The following ARHGAP5 variants were observed in gnomAD, a reference collection of about 807,000 sequenced individuals.
ARHGAP5 encodes the protein Rho GTPase activating protein 5, also known as rho GTPase-activating protein 5.
In ARHGAP5, 23 loss-of-function variants were observed where a neutral mutation model predicts 116.6. That is an observed-to-expected ratio of 0.20 (90% CI 0.14 to 0.28). The LOEUF (loss-of-function observed/expected upper bound fraction) is 0.28. Ranked by LOEUF, ARHGAP5 falls within the 10% of genes least tolerant of loss-of-function variation. ARHGAP5 has a pLI of 1.00. For synonymous variants in ARHGAP5, 574 were observed against 602.0 expected (o/e 0.95, Z 0.68); for missense variants, 1,405 against 1,774.8 (o/e 0.79, Z 3.74).
Position 32,091,711 on chromosome 14 carries a change from A to T in ARHGAP5, c.1042A>T (p.Thr348Ser). The T allele has an allele frequency of 6.2e-7, 1 of 1,611,036 alleles. No individual in the cohort carries two copies. Among genetic ancestry groups the T allele is most frequent in the South Asian group, 1.1e-5 (1 of 90,356 alleles). Residue 348 changes from threonine to serine, a missense_variant, in exon 2 of 7, where the codon ACT becomes TCT. By Grantham distance (58) the Thr-to-Ser change is moderately conservative (BLOSUM62 1). This residue lies in a region of ARHGAP5 where 944 missense variants were observed against 1,095.3 expected (regional missense o/e 0.86). Transcript: ENST00000345122. ...YINTLPRAFN[T>S]LLPNLEEIEH... ...AAATACTTTACCAAGAGCTTTTAAC[A>T]CTCTTTTGCCAAATCTAGAAGAGAT...
chr14:32,137,111 T>C (rs1181580716), intron 3 of ARHGAP5, among the ~76,000 whole-genome samples: 1 of 151,786 alleles, frequency 6.6e-6, no homozygotes, highest in African/African-American at 2.4e-5. Context: ...GGATGTATAT[T>C]GTTGCTCATG....
intron 2 of ARHGAP5, among the ~76,000 whole-genome samples, chr14:32,112,038 C>T (rs1253587493): frequency 2.0e-5 from 3 of 151,878 alleles, no homozygotes; most frequent in African/African-American, 7.3e-5. Flanking sequence ...AGGATGGTCT[C>T]GATCTCCTGA....
At chr14:32,138,598 T>C (rs1193311881) in intron 3 of ARHGAP5, among the ~76,000 whole-genome samples, 1 of 152,200 alleles carries the variant, frequency 6.6e-6, no homozygotes, top group Non-Finnish European at 1.5e-5. Flanking sequence ...CTTACTAGTA[T>C]TTTTTGTGGA....
chr14:32,121,332 A>G (rs958244764), intron 3 of ARHGAP5, among the ~76,000 whole-genome samples: 23 of 152,122 alleles, frequency 1.5e-4, no homozygotes, highest in Non-Finnish European at 3.4e-4. Context: ...TGTTTGTGAT[A>G]TATCTTTTTC....
At chr14:32,138,665 T>C (rs1399333031) in intron 3 of ARHGAP5, among the ~76,000 whole-genome samples, 1 of 152,216 alleles carries the variant, frequency 6.6e-6, no homozygotes, top group Admixed American at 6.5e-5. Flanking sequence ...ATAATTTTAC[T>C]TCATTTTTTT....
At position 32,093,568 on chromosome 14, in the gene ARHGAP5, C is replaced by T. The variant is rs561317200; in HGVS notation, c.2899C>T (p.Pro967Ser). ...STHQSEDVFL[P>S]SPRDCFPYNN... ...CCATCAAAGTGAAGATGTTTTTCTACCATCTCCCAGAGACTGTTTTCCCTA... is the reference window on the plus strand; with the variant it reads ...CCATCAAAGTGAAGATGTTTTTCTATCATCTCCCAGAGACTGTTTTCCCTA... The change falls in exon 2 of 7, where the codon CCA becomes TCA. Residue 967 changes from proline to serine, a missense_variant. Physicochemically the swap from Pro to Ser is moderately conservative, Grantham distance 74 (BLOSUM62 -1). Transcript: ENST00000345122. 1.1e-5 allele frequency: 17 copies of T among 1,613,890 alleles called. No individual in the cohort carries two copies. The African/African-American group carries it at 2.1e-4, about 20-fold the overall frequency.
chr14:32,116,297 A>G (rs1322667827), intron 2 of ARHGAP5, among the ~76,000 whole-genome samples: 1 of 149,760 alleles, frequency 6.7e-6, no homozygotes, highest in East Asian at 2.0e-4. Flanking sequence ...TCAAAAAAAA[A>G]TAAATAAATA....
At chr14:32,081,290 A>T (rs1046562932) in intron 1 of ARHGAP5, among the ~76,000 whole-genome samples, 1 of 152,238 alleles carries the variant, frequency 6.6e-6, no homozygotes, top group Non-Finnish European at 1.5e-5. Flanking sequence ...GCTAAAGGAA[A>T]GTATTACTTG....
At chr14:32,118,204 C>T (rs1209969306) in intron 3 of ARHGAP5, among the ~76,000 whole-genome samples, 1 of 152,126 alleles carries the variant, frequency 6.6e-6, no homozygotes, top group African/African-American at 2.4e-5. Context: ...CACTTTCAGT[C>T]TTAATGAGAG....
At position 32,090,567 on chromosome 14, in the gene ARHGAP5, TAC is replaced by T; in HGVS notation, c.-101_-100del. 1 of 1,064,178 alleles carries T rather than the reference TAC, an allele frequency of 9.4e-7. No homozygotes were observed. The highest frequency in any genetic ancestry group is 1.6e-5 in the South Asian group (1 of 62,148). The allele number at this position is 1,064,178 out of a possible 1,614,324, so 65.9% of individuals were successfully genotyped here. On this transcript the variant is annotated 5_prime_UTR_variant, in exon 2 of 7. An upstream open reading frame in the 5' UTR loses its in-frame stop. Coordinates refer to ENST00000345122, the MANE Select transcript of ARHGAP5 (RefSeq NM_001030055.2). ...AATGAGGGAAATACAAAGAACCAAA[TAC>T]AGTTCTGAAATTTGGGATCTGTATT...
At chr14:32,141,036 T>C (rs1417901418) in intron 3 of ARHGAP5, among the ~76,000 whole-genome samples, 2 of 152,196 alleles carry the variant, frequency 1.3e-5, no homozygotes, top group African/African-American at 2.4e-5. Context: ...ACTGATGGAG[T>C]CTCCCTGTTA....
Position 32,136,085 on chromosome 14 carries a change from T to C in ARHGAP5, c.3866-10178T>C, listed in dbSNP as rs112566848. 6.1e-3 allele frequency among the ~76,000 whole-genome samples: 922 copies of C among 152,350 alleles called. 7 individuals are homozygous for C. Among genetic ancestry groups the C allele is most frequent in the African/African-American group, 0.02 (839 of 41,588 alleles). On this transcript the variant is annotated intron_variant, in intron 3 of 6. Coordinates refer to ENST00000345122, the MANE Select transcript of ARHGAP5 (RefSeq NM_001030055.2). ...TAAGTTTATATACTACTACTAGTTC[T>C]TGTTTTGTTTTTTTCTTCCCAGCAT... is the stretch of plus-strand genomic sequence containing the variant.
intron 3 of ARHGAP5, among the ~76,000 whole-genome samples, chr14:32,119,625 T>C (rs1307186559): frequency 6.6e-6 from 1 of 152,164 alleles, no homozygotes; most frequent in Non-Finnish European, 1.5e-5. Context: ...TTAAGTATAA[T>C]GTTAGCTGTT....
chr14:32,126,857 C>G (rs1300595584), intron 3 of ARHGAP5, among the ~76,000 whole-genome samples: 1 of 151,614 alleles, frequency 6.6e-6, no homozygotes, highest in Non-Finnish European at 1.5e-5. Context: ...GAAAACAGCT[C>G]TGGAGATGGG....
Position 32,115,658 on chromosome 14 carries a change from C to T in ARHGAP5, c.3718-1482C>T, listed in dbSNP as rs553068162. 1.3e-3 allele frequency among the ~76,000 whole-genome samples: 138 copies of T among 109,128 alleles called. 3 individuals carry two copies. Among genetic ancestry groups the T allele is most frequent in the South Asian group, 2.4e-3 (8 of 3,326 alleles). 71.6% of individuals were successfully genotyped at this position (109,128 alleles called of 152,430 possible). ...TCCAGCCTGGGTGGCAGCCAGACTC[C>T]GTCTCAAAAAAAAAAAAAAAAAAAA... is the stretch of plus-strand genomic sequence containing the variant. On this transcript the variant is annotated intron_variant, in intron 2 of 6. Coordinates refer to ENST00000345122, the MANE Select transcript of ARHGAP5 (RefSeq NM_001030055.2).
In ARHGAP5 at chr14:32,154,904, C is replaced by T. The variant is rs1479553676; in HGVS notation, c.4465C>T (p.Leu1489=). ...GTTGCCGCCACCATTGCAACCTCAG[C>T]TGATACAACCACAATTACAAACGGA... ...LQLPPPLQPQ[L]IQPQLQTDPL... Residue 1489 remains leucine (L), a synonymous_variant, in exon 7 of 7, where the codon CTG becomes TTG. Coordinates refer to ENST00000345122, the MANE Select transcript of ARHGAP5 (RefSeq NM_001030055.2). The T allele has an allele frequency of 5.6e-6, 9 of 1,613,784 alleles. No individual in the cohort carries two copies. In the Admixed American group the frequency reaches 1.3e-4, roughly 24 times the overall value.
intron 3 of ARHGAP5, among the ~76,000 whole-genome samples, chr14:32,139,361 G>C (rs1399444467): frequency 6.6e-6 from 1 of 151,840 alleles, no homozygotes; most frequent in Non-Finnish European, 1.5e-5. Flanking sequence ...GTTTTTGTGA[G>C]CTTTTGATTA....
intron 1 of ARHGAP5, among the ~76,000 whole-genome samples, chr14:32,089,892 G>A (rs1265652469): frequency 6.6e-6 from 1 of 151,816 alleles, no homozygotes; most frequent in Non-Finnish European, 1.5e-5. Context: ...TGTATTAAGT[G>A]TTCACTTATT....
rs1878412360 is a variant in ARHGAP5 at position 32,094,240 on chromosome 14, A to G, written c.3571A>G (p.Arg1191Gly). The G allele has an allele frequency of 1.2e-6, 2 of 1,613,434 alleles. No homozygotes were observed. The highest frequency in any genetic ancestry group is 1.3e-5 in the African/African-American group (1 of 74,922). ...CACTTCTAAAACAAAAAGAAAAGGAAGACATCGTGGAAGTGAAGAAGATCC... is the reference window on the plus strand; with the variant it reads ...CACTTCTAAAACAAAAAGAAAAGGAGGACATCGTGGAAGTGAAGAAGATCC... ...FTTSKTKRKG[R>G]HRGSEEDPLL... The change falls in exon 2 of 7, where the codon AGA becomes GGA. Residue 1191 changes from arginine (R) to glycine (G), a missense_variant. Coordinates refer to ENST00000345122, the MANE Select transcript of ARHGAP5 (RefSeq NM_001030055.2).
Sources: gnomAD v4.1 joint callset for allele counts (sites outside exome capture counted in the v4.1 genomes callset) on GRCh38, gnomAD v4.1.1 for gene constraint, gnomAD v4.1.1 regional missense constraint, MANE v1.5 for transcripts, NCBI Gene and HGNC (gene_info 2026-07-23, HGNC 2026-07-21) for gene names.